Variants in NSG2 observed in about 807,000 individuals in gnomAD.
The protein encoded by NSG2 is neuronal vesicle trafficking associated 2, also known as neuronal vesicle trafficking-associated protein 2.
In NSG2, 4 loss-of-function variants were observed where a neutral mutation model predicts 16.9. The observed-to-expected ratio is 0.24, with a 90% CI of 0.12 to 0.54. The LOEUF is 0.54. NSG2 is among the 20% of genes least tolerant of loss of function. The probability of loss-of-function intolerance (pLI) is 0.95; values close to 1 mark genes in which losing one functional copy is unlikely to be tolerated. For synonymous variants in NSG2, 98 were observed against 88.7 expected (o/e 1.11, Z -0.59); for missense variants, 179 against 221.1 (o/e 0.81, Z 1.21).
intron 3 of NSG2, chr5:174,082,335 T>A (rs1042961943): frequency 2.0e-5 from 3 of 152,322 alleles, no homozygotes; most frequent in African/African-American, 7.2e-5. Flanking sequence ...GAAGCTTCTG[T>A]TTATGTGAAT....
chr5:174,107,491 A>T lies in NSG2; in HGVS notation c.502A>T (p.Thr168Ser). 2 of 1,608,686 alleles carry T rather than the reference A, an allele frequency of 1.2e-6. No individual in the cohort carries two copies. Among genetic ancestry groups the T allele is most frequent in the Non-Finnish European group, 8.5e-7 (1 of 1,176,308 alleles). Reference protein sequence around the residue: ...AVIHEPKPPKTQGH With the variant: ...AVIHEPKPPKSQGH Reference sequence around the variant, plus strand: ...CATCCATGAGCCCAAGCCGCCCAAGACCCAGGGCCACTAGAGGCCTGCCCC... The same window carrying T: ...CATCCATGAGCCCAAGCCGCCCAAGTCCCAGGGCCACTAGAGGCCTGCCCC... Residue 168 changes from threonine (T) to serine (S), a missense_variant, in exon 5 of 5, where the codon ACC (threonine) becomes TCC (serine). Transcript: ENST00000303177. The surrounding 1 kb of genome is among the most constrained non-coding windows in gnomAD (Gnocchi z 4.5).
At chr5:174,085,807 A>G (rs1233520093) in intron 3 of NSG2, among the ~76,000 whole-genome samples, 1 of 152,230 alleles carries the variant, frequency 6.6e-6, no homozygotes, top group African/African-American at 2.4e-5. Flanking sequence ...AGCAAATGTC[A>G]GAAAGAAGAG....
intron 3 of NSG2, among the ~76,000 whole-genome samples, chr5:174,090,125 C>A (rs1217881378): frequency 6.6e-6 from 1 of 152,202 alleles, no homozygotes; most frequent in Non-Finnish European, 1.5e-5. Flanking sequence ...TCCCCAAGAC[C>A]ATCCCCAGGT....
At chr5:174,099,445 A>G (rs900967457) in intron 3 of NSG2, among the ~76,000 whole-genome samples, 2 of 151,564 alleles carry the variant, frequency 1.3e-5, no homozygotes, top group East Asian at 1.9e-4. Flanking sequence ...CAGCCTTCCC[A>G]CTGGCCCCCT....
chr5:174,082,618 G>C (rs913284502), intron 3 of NSG2: 12 of 152,046 alleles, frequency 7.9e-5, no homozygotes, highest in African/African-American at 2.9e-4. Context: ...CATGAATTTG[G>C]GTCTTTCACC....
chr5:174,062,205 A>G (rs1383172930), intron 2 of NSG2, among the ~76,000 whole-genome samples: 2 of 152,160 alleles, frequency 1.3e-5, no homozygotes, highest in East Asian at 3.8e-4. Flanking sequence ...GAAAATCAAG[A>G]CACAGAAGGC....
chr5:174,099,121 A>T (rs561251753), intron 3 of NSG2, among the ~76,000 whole-genome samples: 40 of 152,196 alleles, frequency 2.6e-4, no homozygotes, highest in African/African-American at 9.6e-4. Flanking sequence ...AGGCCCCTGA[A>T]TTTCACAAAT....
At chr5:174,081,082 T>C (rs1760456252) in intron 3 of NSG2, among the ~76,000 whole-genome samples, 1 of 152,170 alleles carries the variant, frequency 6.6e-6, no homozygotes, top group Non-Finnish European at 1.5e-5. Context: ...TTTTGAATTT[T>C]GTATATTTAT....
chr5:174,095,926 G>A (rs1293254293), intron 3 of NSG2, among the ~76,000 whole-genome samples: 1 of 152,224 alleles, frequency 6.6e-6, no homozygotes, highest in East Asian at 1.9e-4. Flanking sequence ...AAATATCTCA[G>A]CCCAAGCTTT....
At chr5:174,066,985 G>A (rs1166821561) in intron 3 of NSG2, among the ~76,000 whole-genome samples, 1 of 77,454 alleles carries the variant, frequency 1.3e-5, no homozygotes. Context: ...GCGAGACTCT[G>A]TCTCAAAAAA....
rs143826409 is a variant in NSG2, at chr5:174,074,863, G to T, written c.213+10548G>T. On this transcript the variant is annotated intron_variant, in intron 3 of 4. Coordinates refer to ENST00000303177, the MANE Select transcript of NSG2 (RefSeq NM_015980.5). ...CTCATCTCCCCTGGAACTGGTCCTT[G>T]ACTCCCCACTTTCATACCTGGAAGT... Among the ~76,000 whole-genome samples, 1,104 of 151,982 alleles carry T rather than the reference G, an allele frequency of 7.3e-3. 15 individuals are homozygous for T. Among genetic ancestry groups the T allele is most frequent in the African/African-American group, 0.023 (973 of 41,430 alleles).
chr5:174,086,724 T>C (rs549112948), intron 3 of NSG2, among the ~76,000 whole-genome samples: 40 of 152,358 alleles, frequency 2.6e-4, no homozygotes, highest in African/African-American at 7.9e-4. Flanking sequence ...TTCTCCATCC[T>C]GTAAGAGGTT....
At chr5:174,085,312 C>T (rs922127934) in intron 3 of NSG2, among the ~76,000 whole-genome samples, 8 of 152,270 alleles carry the variant, frequency 5.3e-5, no homozygotes, top group African/African-American at 1.4e-4. Flanking sequence ...GAGGTGGCGT[C>T]GTGTACTGAA....
intron 3 of NSG2, among the ~76,000 whole-genome samples, chr5:174,077,590 C>A (rs1334369637): frequency 6.6e-6 from 1 of 152,210 alleles, no homozygotes; most frequent in African/African-American, 2.4e-5. Flanking sequence ...GCCACCTATT[C>A]ATCTCATAAA....
intron 3 of NSG2, among the ~76,000 whole-genome samples, chr5:174,079,348 C>A (rs891983004): frequency 6.6e-6 from 1 of 152,104 alleles, no homozygotes; most frequent in Admixed American, 6.6e-5. Flanking sequence ...ACCTCTGCCT[C>A]CCGGGCTCAA....
At chr5:174,065,534 A>G (rs1760125542) in intron 3 of NSG2, among the ~76,000 whole-genome samples, 1 of 152,172 alleles carries the variant, frequency 6.6e-6, no homozygotes, top group Admixed American at 6.5e-5. Context: ...TGGGTTTTAG[A>G]AAAAGTATGC....
chr5:174,102,950 T>G (rs1760923722), intron 3 of NSG2, among the ~76,000 whole-genome samples: 2 of 147,314 alleles, frequency 1.4e-5, no homozygotes, highest in East Asian at 2.0e-4. Flanking sequence ...GCTTTTTTTT[T>G]TTTTTTTTTT....
chr5:174,052,648 G>T lies in NSG2; in HGVS notation c.129+5764G>T, dbSNP rs192810157. Among the ~76,000 whole-genome samples the T allele has an allele frequency of 1.4e-4, 22 of 152,286 alleles. No individual in the cohort carries two copies. The East Asian group carries it at 4.2e-3, about 29-fold the overall frequency. ...TGCCTTTGGTGCTTTGCTGCCTTTG[G>T]TTCATCTAAGTAGCCACAATAACCC... On this transcript the variant is annotated intron_variant, in intron 2 of 4. Coordinates refer to ENST00000303177, the MANE Select transcript of NSG2 (RefSeq NM_015980.5).
At chr5:174,104,117 C>G in intron 3 of NSG2, 111 bp from the exon 4 acceptor site, 1 of 733,434 alleles carries the variant, frequency 1.4e-6, no homozygotes, top group Non-Finnish European at 2.4e-6. Flanking sequence ...TTGGGCCTGT[C>G]CCCCTTTCTA....
Sources: gnomAD v4.1 joint callset for allele counts (sites outside exome capture counted in the v4.1 genomes callset) on GRCh38, gnomAD v4.1.1 for gene constraint, Gnocchi (gnomAD v3.1) non-coding constraint, MANE v1.5 for transcripts, NCBI Gene and HGNC (gene_info 2026-07-23, HGNC 2026-07-21) for gene names.